Variants in DCDC2 observed in about 807,000 individuals in gnomAD.
DCDC2 encodes the protein doublecortin domain-containing protein 2.
DCDC2 carries 40 observed loss-of-function variants against 50.2 expected under a neutral mutation model. The ratio of observed to expected loss-of-function variants is 0.80; its 90% CI spans 0.62 to 1.04. The LOEUF is 1.04. Ranked by LOEUF, DCDC2 falls within the 50% of genes least tolerant of loss-of-function variation. The pLI, the probability that DCDC2 is intolerant of heterozygous loss-of-function variation, is 0.00. For missense variants in DCDC2, 570 were observed against 581.9 expected, an observed-to-expected ratio of 0.98 and a Z score of 0.21; for synonymous variants, 234 against 210.6, an observed-to-expected ratio of 1.11 and a Z score of -0.96.
intron 4 of DCDC2, among the ~76,000 whole-genome samples, 165 bp from the exon 5 acceptor site, chr6:24,291,243 T>C (rs560068056): frequency 1.3e-5 from 2 of 152,352 alleles, no homozygotes; most frequent in African/African-American, 4.8e-5. Context: ...TATTGCATTA[T>C]AGATGCCTCA....
intron 7 of DCDC2, among the ~76,000 whole-genome samples, chr6:24,247,356 C>T (rs932487708): frequency 1.3e-5 from 2 of 151,756 alleles, no homozygotes; most frequent in African/African-American, 2.4e-5. Flanking sequence ...TATAAAATCA[C>T]AGCAAATACC....
intron 7 of DCDC2, among the ~76,000 whole-genome samples, chr6:24,208,922 G>A (rs1452175220): frequency 1.3e-5 from 2 of 152,194 alleles, no homozygotes; most frequent in Non-Finnish European, 2.9e-5. Context: ...AGTATTATTT[G>A]TAATACAATC....
At chr6:24,249,924 A>G (rs555801775) in intron 7 of DCDC2, among the ~76,000 whole-genome samples, 7 of 152,362 alleles carry the variant, frequency 4.6e-5, no homozygotes, top group African/African-American at 1.7e-4. Flanking sequence ...GTAGTCTAAT[A>G]GAATGAAATA....
rs200146922 is a variant in DCDC2, at chr6:24,302,059, G to A, written c.349-15C>T. ...ACTGGTTTTACCTTTAAAAGCAAAG[G>A]AAAAAAAATATAAACCACTAAGCTT... On this transcript the variant is annotated splice_polypyrimidine_tract_variant and intron_variant, in intron 2 of 9. Coordinates refer to ENST00000378454, the MANE Select transcript of DCDC2 (RefSeq NM_016356.5). 320 of 1,589,372 alleles carry A rather than the reference G, an allele frequency of 2.0e-4. No individual in the cohort carries two copies. The highest frequency in any genetic ancestry group is 2.4e-4 in the Non-Finnish European group (280 of 1,171,574).
At chr6:24,179,475 G>C (rs1457055171) in intron 8 of DCDC2, among the ~76,000 whole-genome samples, 1 of 134,200 alleles carries the variant, frequency 7.5e-6, no homozygotes, top group Non-Finnish European at 1.5e-5. Context: ...GTGAACCCAG[G>C]AGGCAGAGCT....
the DCDC2 span, among the ~76,000 whole-genome samples, chr6:24,363,061 CA>C: frequency 6.6e-6 from 1 of 152,102 alleles, no homozygotes; most frequent in East Asian, 1.9e-4. Flanking sequence ...CAGATGGATG[CA>C]AGGGAATGTT....
At chr6:24,210,067 T>TGC (rs1561891627) in intron 7 of DCDC2, among the ~76,000 whole-genome samples, 4 of 142,010 alleles carry the variant, frequency 2.8e-5, no homozygotes, top group African/African-American at 8.1e-5. Context: ...TGTCTGTCTG[T>TGC]CTGTCTGCCT....
intron 7 of DCDC2, among the ~76,000 whole-genome samples, chr6:24,263,701 A>T (rs1029196321): frequency 1.3e-5 from 2 of 152,204 alleles, no homozygotes; most frequent in Non-Finnish European, 2.9e-5. Flanking sequence ...AACAAAAAAG[A>T]ATTTAAAAAG....
At chr6:24,375,692 A>T in the DCDC2 span, among the ~76,000 whole-genome samples, 3 of 152,010 alleles carry the variant, frequency 2.0e-5, no homozygotes, top group African/African-American at 7.2e-5. Flanking sequence ...TGGTCATAGC[A>T]CTCATCACTC....
chr6:24,258,657 T>G (rs1356732155), intron 7 of DCDC2, among the ~76,000 whole-genome samples: 1 of 152,236 alleles, frequency 6.6e-6, no homozygotes, highest in Non-Finnish European at 1.5e-5. Flanking sequence ...AGTTGAATCC[T>G]GAGTCACTCA....
At chr6:24,291,545 G>A (rs1346293709) in intron 4 of DCDC2, among the ~76,000 whole-genome samples, 2 of 134,366 alleles carry the variant, frequency 1.5e-5, no homozygotes, top group African/African-American at 5.5e-5. Flanking sequence ...GAGTGCAGTG[G>A]CAGGATCTCG....
At position 24,302,010 on chromosome 6, in the gene DCDC2, G is replaced by C. The variant is rs904520404; in HGVS notation, c.383C>G (p.Ser128Ter). 5 of 1,613,912 alleles carry C rather than the reference G, an allele frequency of 3.1e-6. No homozygotes were observed. The African/African-American group carries it at 4.0e-5, about 13-fold the overall frequency. ...KPVIHSRINV[S>*]ARFRKPLQEP... ...CTGAAGCGGTTTTCTAAAGCGAGCTGACACGTTGATCCTGCTATGGATTAC... is the reference window on the plus strand; with the variant it reads ...CTGAAGCGGTTTTCTAAAGCGAGCTCACACGTTGATCCTGCTATGGATTAC... The change falls in exon 3 of 10, where the codon TCA (serine) becomes TGA (stop). Residue 128 changes from serine (S) to a stop codon, truncating the protein, a stop_gained. Transcript: ENST00000378454. LOFTEE classifies it high-confidence loss of function.
intron 4 of DCDC2, among the ~76,000 whole-genome samples, chr6:24,297,134 A>T (rs995091520): frequency 1.8e-5 from 2 of 113,338 alleles, no homozygotes; most frequent in African/African-American, 7.8e-5. Context: ...ATGCAGCCAT[A>T]AAAAAGGGTC....
At chr6:24,191,320 C>A (rs1291895472) in intron 8 of DCDC2, among the ~76,000 whole-genome samples, 1 of 152,054 alleles carries the variant, frequency 6.6e-6, no homozygotes, top group Admixed American at 6.5e-5. Flanking sequence ...ATGATGAGAC[C>A]AAGTCAGAAC....
rs527809774 is a variant in DCDC2, at chr6:24,291,988, CTTCT to C, written c.558-914_558-911del. On this transcript the variant is annotated intron_variant, in intron 4 of 9. Transcript: ENST00000378454. ...GATGCAGAACTGCATAGCATTTGTGCTTCTTTCTTTTTTTTTGCCGTCCCTACTA... is the reference window on the plus strand; with the variant it reads ...GATGCAGAACTGCATAGCATTTGTGCTTCTTTTTTTTTGCCGTCCCTACTA... Among the ~76,000 whole-genome samples, 47 of 152,176 alleles carry C rather than the reference CTTCT, an allele frequency of 3.1e-4. 1 individual carries two copies. In the South Asian group the frequency reaches 8.3e-3, roughly 27 times the overall value.
At chr6:24,370,552 A>T in the DCDC2 span, among the ~76,000 whole-genome samples, 1 of 151,986 alleles carries the variant, frequency 6.6e-6, no homozygotes, top group Non-Finnish European at 1.5e-5. Flanking sequence ...TACAAAAAAT[A>T]CAAAAAAATT....
intron 6 of DCDC2, among the ~76,000 whole-genome samples, chr6:24,283,540 CT>C (rs1181476119): frequency 6.6e-6 from 1 of 152,148 alleles, no homozygotes; most frequent in Admixed American, 6.5e-5. Context: ...TTCTAAAACT[CT>C]AGTTCTGTGT....
chr6:24,259,048 G>C (rs1762954716), intron 7 of DCDC2, among the ~76,000 whole-genome samples: 1 of 151,960 alleles, frequency 6.6e-6, no homozygotes. Flanking sequence ...TTCATATTAT[G>C]AACTCCTCTC....
chr6:24,219,470 TC>T (rs557647058), intron 7 of DCDC2, among the ~76,000 whole-genome samples: 70 of 152,328 alleles, frequency 4.6e-4, no homozygotes, highest in African/African-American at 1.6e-3. Context: ...TGACACACAG[TC>T]CATGCGTTTC....
Sources: allele counts gnomAD v4.1 joint callset (sites outside exome capture counted in the v4.1 genomes callset), GRCh38; gene constraint gnomAD v4.1.1; transcripts MANE v1.5; gene names NCBI Gene and HGNC (gene_info 2026-07-23, HGNC 2026-07-21).